Variants in MYO18B observed in about 807,000 individuals in gnomAD.
The protein encoded by MYO18B is unconventional myosin-XVIIIb.
Under a neutral mutation model 273.0 loss-of-function variants are expected in MYO18B, and 204 were observed. The ratio of observed to expected loss-of-function variants is 0.75; its 90% confidence interval spans 0.67 to 0.84. The LOEUF (loss-of-function observed/expected upper bound fraction) is 0.84, where lower values mean the gene tolerates loss of function less well. Ranked by LOEUF, MYO18B falls within the 40% of genes least tolerant of loss-of-function variation. The pLI is 0.00. For synonymous variants in MYO18B, 1,330 were observed against 1,305.7 expected, an observed-to-expected ratio of 1.02 and a Z score of -0.40; for missense variants, 3,212 against 3,287.6, an observed-to-expected ratio of 0.98 and a Z score of 0.56.
intron 25 of MYO18B, 125 bp from the exon 26 acceptor site, chr22:25,890,631 G>C: frequency 1.5e-6 from 2 of 1,367,892 alleles, no homozygotes; most frequent in South Asian, 1.4e-5. Flanking sequence ...TTAACGAGTT[G>C]ATTATACTCA....
At chr22:26,054,319 T>A in the MYO18B span, among the ~76,000 whole-genome samples, 11 of 152,182 alleles carry the variant, frequency 7.2e-5, no homozygotes, top group Non-Finnish European at 1.5e-4. Context: ...AATTAAATTA[T>A]CTCTGAGCCC....
At chr22:25,950,674 C>T (rs1381082211) in intron 37 of MYO18B, among the ~76,000 whole-genome samples, 6 of 152,014 alleles carry the variant, frequency 3.9e-5, no homozygotes, top group South Asian at 2.1e-4. Flanking sequence ...CAGGTTCAAG[C>T]GATTCTCCCG....
At chr22:25,771,093 C>A in intron 6 of MYO18B, 109 bp downstream of exon 6, 1 of 813,396 alleles carries the variant, frequency 1.2e-6, no homozygotes, top group Non-Finnish European at 2.0e-6. Flanking sequence ...TTCCTGACTA[C>A]CAATACCATT....
intron 40 of MYO18B, among the ~76,000 whole-genome samples, chr22:25,994,981 C>T (rs1005480992): frequency 2.0e-5 from 3 of 152,078 alleles, no homozygotes; most frequent in Admixed American, 6.5e-5. Flanking sequence ...GGCGGAGGGT[C>T]CATGCTTGAA....
At chr22:25,795,534 G>A (rs1002106084) in intron 11 of MYO18B, among the ~76,000 whole-genome samples, 11 of 152,176 alleles carry the variant, frequency 7.2e-5, no homozygotes, top group Non-Finnish European at 1.5e-4. Flanking sequence ...CACAGTGGGA[G>A]CCATAATAAA....
chr22:25,847,544 G>A lies in MYO18B; in HGVS notation c.3667G>A (p.Gly1223Ser), dbSNP rs1296007220. 6.4e-7 allele frequency: 1 copy of A among 1,572,594 alleles called. No individual in the cohort carries two copies. Among genetic ancestry groups the A allele is most frequent in the Non-Finnish European group, 8.6e-7 (1 of 1,158,818 alleles). Residue 1223 changes from glycine to serine, a missense_variant, in exon 20 of 44, where the codon GGT (glycine) becomes AGT (serine). Coordinates refer to ENST00000335473, the MANE Select transcript of MYO18B (RefSeq NM_032608.7). ...GGAATCTCCACCACCACCGCAGCCT[G>A]GTAGAGACAAGCCTGGGGCAGGTGG... ...GQESPPPPQPGRDKPGAGGPL... is the reference protein window; with the variant it reads ...GQESPPPPQPSRDKPGAGGPL...
intron 39 of MYO18B, among the ~76,000 whole-genome samples, chr22:25,956,004 T>C (rs955484898): frequency 6.6e-6 from 1 of 152,196 alleles, no homozygotes; most frequent in Admixed American, 6.5e-5. Flanking sequence ...ATTTCAGAAC[T>C]GTGAGGTAGG....
rs193005975 is a variant in MYO18B, at chr22:25,942,537, A to G, written c.5518-3600A>G. On this transcript the variant is annotated intron_variant, in intron 34 of 43. Coordinates refer to ENST00000335473, the MANE Select transcript of MYO18B (RefSeq NM_032608.7). ...CTTTCTATGAGGGGCAGTGAAGCTC[A>G]GTAGTTAAGAGCTTGGGCTCTGGCG... 2.0e-3 allele frequency among the ~76,000 whole-genome samples: 305 copies of G among 152,322 alleles called. 1 individual carries two copies. Among genetic ancestry groups the G allele is most frequent in the African/African-American group, 7.1e-3 (295 of 41,582 alleles).
At chr22:25,853,154 A>G (rs1354348810) in intron 21 of MYO18B, among the ~76,000 whole-genome samples, 2 of 152,204 alleles carry the variant, frequency 1.3e-5, no homozygotes, top group South Asian at 2.1e-4. Flanking sequence ...AGCACCATCA[A>G]TATCATCATC....
At chr22:25,810,001 A>T (rs956701127) in intron 12 of MYO18B, among the ~76,000 whole-genome samples, 22 of 151,616 alleles carry the variant, frequency 1.5e-4, no homozygotes, top group African/African-American at 5.3e-4. Context: ...GAAAGTTTAA[A>T]AAAAAAAAAA....
intron 36 of MYO18B, among the ~76,000 whole-genome samples, chr22:25,950,116 G>T (rs1376133725): frequency 1.3e-5 from 2 of 152,130 alleles, no homozygotes; most frequent in Admixed American, 6.5e-5. Flanking sequence ...GTTCTCAAGG[G>T]TATATAATAA....
intron 17 of MYO18B, 102 bp downstream of exon 17, chr22:25,835,545 G>A: frequency 7.1e-7 from 1 of 1,412,240 alleles, no homozygotes; most frequent in Admixed American, 2.0e-5. Context: ...CTGCACAGAG[G>A]CTCCAACGTG....
At chr22:25,781,894 T>C in intron 10 of MYO18B, 60 bp downstream of exon 10, 1 of 1,200,192 alleles carries the variant, frequency 8.3e-7, no homozygotes, top group Non-Finnish European at 1.1e-6. Context: ...CACATGTTCT[T>C]TGGGGGCCCA....
At chr22:26,017,981 T>G (rs940901440) in intron 42 of MYO18B, among the ~76,000 whole-genome samples, 3 of 128,754 alleles carry the variant, frequency 2.3e-5, no homozygotes, top group African/African-American at 8.3e-5. Flanking sequence ...TTTTTTTTTT[T>G]TTTTTTTTTG....
intron 20 of MYO18B, among the ~76,000 whole-genome samples, chr22:25,849,866 A>T (rs2748236): frequency 1.3e-5 from 2 of 152,090 alleles, no homozygotes; most frequent in African/African-American, 4.8e-5. Context: ...CCCATTAGCC[A>T]CTTTTACTAT....
chr22:25,961,577 T>C (rs2092918748), intron 39 of MYO18B, among the ~76,000 whole-genome samples: 1 of 152,216 alleles, frequency 6.6e-6, no homozygotes, highest in African/African-American at 2.4e-5. Flanking sequence ...CCTTTGTCAT[T>C]ACAGCGATGA....
chr22:25,992,385 C>T lies in MYO18B; in HGVS notation c.6179C>T (p.Ala2060Val). Reference protein sequence around the residue: ...MELEKYVEELAAVRQTLQTDL... With the variant: ...MELEKYVEELVAVRQTLQTDL... ...CAGGAGAAGTACGTGGAGGAACTTGCAGCAGTGAGGCAAACCCTCCAGACA... is the reference window on the plus strand; with the variant it reads ...CAGGAGAAGTACGTGGAGGAACTTGTAGCAGTGAGGCAAACCCTCCAGACA... Residue 2060 changes from alanine (A) to valine (V), a missense_variant, in exon 40 of 44, where the codon GCA becomes GTA. Coordinates refer to ENST00000335473, the MANE Select transcript of MYO18B (RefSeq NM_032608.7). The T allele has an allele frequency of 6.2e-7, 1 of 1,614,008 alleles. No homozygotes were observed. The highest frequency in any genetic ancestry group is 1.1e-5 in the South Asian group (1 of 91,078).
chr22:25,969,222 G>T (rs944043425), intron 39 of MYO18B, among the ~76,000 whole-genome samples: 1 of 152,204 alleles, frequency 6.6e-6, no homozygotes, highest in Non-Finnish European at 1.5e-5. Flanking sequence ...AGGACAGAGA[G>T]ATATCCCTTG....
rs370487234 is a variant in MYO18B at position 25,848,659 on chromosome 22, A to G, written c.3775+1007A>G. Among the ~76,000 whole-genome samples the G allele has an allele frequency of 2.0e-3, 304 of 152,278 alleles. 16 individuals carry two copies. In the South Asian group the frequency reaches 0.062, roughly 31 times the overall value. On this transcript the variant is annotated intron_variant, in intron 20 of 43. Coordinates refer to ENST00000335473, the MANE Select transcript of MYO18B (RefSeq NM_032608.7). ...TCTGTATTTTAGTAAGAAAATGTGC[A>G]CCTGATGTCCCCACATTAGCTAATC...
Sources: allele counts gnomAD v4.1 joint callset (sites outside exome capture counted in the v4.1 genomes callset), GRCh38; gene constraint gnomAD v4.1.1; transcripts MANE v1.5; gene names NCBI Gene and HGNC (gene_info 2026-07-23, HGNC 2026-07-21).